Variants in CD1B observed in about 807,000 individuals in gnomAD.
The protein encoded by CD1B is T-cell surface glycoprotein CD1b.
Under a neutral mutation model 39.8 loss-of-function variants are expected in CD1B, and 43 were observed. The ratio of observed to expected loss-of-function variants is 1.08; its 90% CI spans 0.85 to 1.39. The LOEUF (loss-of-function observed/expected upper bound fraction) is 1.39. Ranked by LOEUF, CD1B falls within the 40% of genes most tolerant of loss-of-function variation. The pLI, the probability that CD1B is intolerant of heterozygous loss-of-function variation, is 0.00. For synonymous variants in CD1B, 192 were observed against 152.5 expected, an observed-to-expected ratio of 1.26 and a Z score of -1.91; for missense variants, 495 against 403.8, an observed-to-expected ratio of 1.23 and a Z score of -1.94.
intron 2 of CD1B, chr1:158,330,473 G>T (rs1427369013): frequency 1.8e-6 from 1 of 558,690 alleles, no homozygotes; most frequent in Non-Finnish European, 3.2e-6. Context: ...TGGATTAGGG[G>T]AGAAAGCCAC....
the CD1B span, among the ~76,000 whole-genome samples, chr1:158,310,886 A>T: frequency 6.6e-6 from 1 of 152,162 alleles, no homozygotes; most frequent in African/African-American, 2.4e-5. Flanking sequence ...TAGTTCAGCC[A>T]CTGTGAAGGG....
At chr1:158,297,314 A>G in the CD1B span, among the ~76,000 whole-genome samples, 7 of 152,208 alleles carry the variant, frequency 4.6e-5, no homozygotes, top group Admixed American at 6.5e-5. Flanking sequence ...TTGTTAAAGA[A>G]AAGAAATTCT....
chr1:158,308,394 T>C, the CD1B span, among the ~76,000 whole-genome samples: 1 of 152,116 alleles, frequency 6.6e-6, no homozygotes, highest in African/African-American at 2.4e-5. Context: ...ATCATGAAAA[T>C]GGCCATACTG....
At chr1:158,293,333 C>T in the CD1B span, 32,274 of 1,596,244 alleles carry the variant, frequency 0.02, 441 homozygotes, top group Non-Finnish European at 0.024. Flanking sequence ...CCTCTCCTCC[C>T]AGTTTCTTAT....
At chr1:158,330,530 G>A (rs754328615) in intron 2 of CD1B, 1 of 647,702 alleles carries the variant, frequency 1.5e-6, no homozygotes, top group Non-Finnish European at 2.8e-6. Context: ...GGGCCCTTGA[G>A]GAGAAGTTTC....
the CD1B span, among the ~76,000 whole-genome samples, chr1:158,289,193 T>C: frequency 2.0e-5 from 3 of 152,220 alleles, no homozygotes; most frequent in African/African-American, 7.2e-5. Context: ...TCACAATGCA[T>C]TTTAATTTTT....
the CD1B span, among the ~76,000 whole-genome samples, chr1:158,299,837 C>A: frequency 6.6e-6 from 1 of 152,114 alleles, no homozygotes; most frequent in South Asian, 2.1e-4. Flanking sequence ...GTGATATCCC[C>A]TTTATCATTT....
chr1:158,331,508 G>GAGGAA lies in CD1B; in HGVS notation c.-86_-85insTTCCT. On this transcript the variant is annotated 5_prime_UTR_variant, in exon 1 of 6. Coordinates refer to ENST00000368168, the MANE Select transcript of CD1B (RefSeq NM_001764.3). ...AAGCTTTTCCTCAGTACCCTGTAGT[G>GAGGAA]ACTTCTTCTCTCTTCCAACTGCCAA... 1.8e-6 allele frequency: 2 copies of GAGGAA among 1,103,336 alleles called. No individual in the cohort carries two copies. Among genetic ancestry groups the GAGGAA allele is most frequent in the Non-Finnish European group, 2.7e-6 (2 of 732,376 alleles). The allele number at this position is 1,103,336 out of a possible 1,614,324, so 68.3% of individuals were successfully genotyped here.
chr1:158,323,638 G>A (rs1355276961), downstream of CD1B, among the ~76,000 whole-genome samples: 2 of 152,046 alleles, frequency 1.3e-5, no homozygotes, highest in Non-Finnish European at 2.9e-5. Context: ...TTCTTCACTG[G>A]GCCTCTCCAG....
At chr1:158,286,251 C>G in the CD1B span, among the ~76,000 whole-genome samples, 1 of 152,150 alleles carries the variant, frequency 6.6e-6, no homozygotes, top group Non-Finnish European at 1.5e-5. Flanking sequence ...TCAGATTATT[C>G]TCTTAGGATT....
chr1:158,316,112 T>C, the CD1B span, among the ~76,000 whole-genome samples: 1 of 151,968 alleles, frequency 6.6e-6, no homozygotes, highest in South Asian at 2.1e-4. Context: ...GCTTTGTTCT[T>C]TTGGCTTACG....
At chr1:158,319,203 G>A in the CD1B span, among the ~76,000 whole-genome samples, 5 of 151,152 alleles carry the variant, frequency 3.3e-5, no homozygotes, top group African/African-American at 9.7e-5. Context: ...GAATCTGAAC[G>A]TTGGCCTGCC....
At chr1:158,306,892 G>C in the CD1B span, among the ~76,000 whole-genome samples, 2,648 of 152,152 alleles carry the variant, frequency 0.017, 46 homozygotes, top group South Asian at 0.026. Context: ...CGAGAACAAA[G>C]ACACAACATA....
intron 2 of CD1B, chr1:158,330,573 G>A: frequency 1.4e-6 from 1 of 697,812 alleles, no homozygotes; most frequent in Non-Finnish European, 2.6e-6. Flanking sequence ...GTTACAAAGT[G>A]GAAGACAGTC....
downstream of CD1B, among the ~76,000 whole-genome samples, chr1:158,327,733 T>C (rs1312752827): frequency 1.3e-5 from 2 of 152,172 alleles, no homozygotes; most frequent in African/African-American, 4.8e-5. Context: ...ATTATAGCAC[T>C]AGGAAAGTCT....
Position 158,331,444 on chromosome 1 carries a change from C to T in CD1B, c.-21G>A. On this transcript the variant is annotated 5_prime_UTR_variant, in exon 1 of 6. Transcript: ENST00000368168. ...AGCATTTCACTGGGAGATGCAACTT[C>T]TTACTGGCAGAGCTGGTATTTGATC... 6.2e-7 allele frequency: 1 copy of T among 1,606,908 alleles called. No individual in the cohort carries two copies. The highest frequency in any genetic ancestry group is 1.1e-5 in the South Asian group (1 of 90,766).
the CD1B span, among the ~76,000 whole-genome samples, chr1:158,308,312 C>T: frequency 6.6e-6 from 1 of 152,122 alleles, no homozygotes; most frequent in Non-Finnish European, 1.5e-5. Context: ...CTACAAACCA[C>T]TGCTCAGTGA....
the CD1B span, among the ~76,000 whole-genome samples, chr1:158,316,905 A>G: frequency 2.0e-5 from 3 of 151,802 alleles, no homozygotes; most frequent in Non-Finnish European, 4.4e-5. Flanking sequence ...TTCTGCATCT[A>G]TTGAGATAAT....
At chr1:158,330,509 A>G (rs1222427195) in intron 2 of CD1B, 2 of 589,914 alleles carry the variant, frequency 3.4e-6, no homozygotes, top group South Asian at 1.7e-5. Context: ...GGCACAGGGT[A>G]GGAGAAGTAA....
Sources: gnomAD v4.1 joint callset for allele counts (sites outside exome capture counted in the v4.1 genomes callset) on GRCh38, gnomAD v4.1.1 for gene constraint, MANE v1.5 for transcripts, NCBI Gene and HGNC (gene_info 2026-07-23, HGNC 2026-07-21) for gene names.